TMEM242: variants seen among roughly 807,000 people sequenced by gnomAD.
TMEM242 encodes the protein transmembrane protein 242.
A neutral mutation model predicts 18.2 loss-of-function variants in TMEM242; 10 were observed. The observed-to-expected ratio is 0.55, with a 90% CI of 0.34 to 0.93. The LOEUF is 0.93. Among genes scored for constraint, TMEM242 ranks in the 40% least tolerant of loss-of-function variants. TMEM242 has a pLI of 0.02. For synonymous variants in TMEM242, 57 were observed against 69.9 expected (o/e 0.81, Z 0.92); for missense variants, 186 against 175.5 (o/e 1.06, Z -0.34).
intron 3 of TMEM242, among the ~76,000 whole-genome samples, chr6:157,313,068 GT>G (rs1778239661): frequency 6.7e-6 from 1 of 149,120 alleles, no homozygotes; most frequent in African/African-American, 2.5e-5. Flanking sequence ...TCATCATAGG[GT>G]CCCAGTATGC....
chr6:157,299,829 C>A, intron 3 of TMEM242: 1 of 1,610,812 alleles, frequency 6.2e-7, no homozygotes. Context: ...TCCATTGTCT[C>A]ACCCTTCAGT....
At chr6:157,313,051 C>A (rs1554249586) in intron 3 of TMEM242, among the ~76,000 whole-genome samples, 1 of 147,042 alleles carries the variant, frequency 6.8e-6, no homozygotes, top group Non-Finnish European at 1.5e-5. Flanking sequence ...TGTGCACTCA[C>A]CTGGCCTCAT....
intron 2 of TMEM242, among the ~76,000 whole-genome samples, chr6:157,322,420 G>C (rs1049236414): frequency 3.3e-5 from 5 of 152,122 alleles, no homozygotes; most frequent in African/African-American, 1.2e-4. Flanking sequence ...CATGAACCAC[G>C]ATGCCTGGCC....
At chr6:157,316,012 T>C (rs1778383595) in intron 3 of TMEM242, among the ~76,000 whole-genome samples, 1 of 152,270 alleles carries the variant, frequency 6.6e-6, no homozygotes, top group South Asian at 2.1e-4. Flanking sequence ...ATCAAGTGTA[T>C]AATTTAGATA....
At position 157,290,146 on chromosome 6, in the gene TMEM242, G is replaced by A. The variant is rs1777666613; in HGVS notation, c.*2755C>T. 6.6e-6 allele frequency: 1 copy of A among 152,168 alleles called. No individual in the cohort carries two copies. The highest frequency in any genetic ancestry group is 6.5e-5 in the Admixed American group (1 of 15,270). 9.4% of individuals were successfully genotyped at this position (152,168 alleles called of 1,614,324 possible). ...GGGGTCTCGGAAGCCACTCCTCCCT[G>A]CCCGTGCTTTCTCTAATAGCTCTTT... On this transcript the variant is annotated 3_prime_UTR_variant, in exon 4 of 4. Coordinates refer to ENST00000400788, the MANE Select transcript of TMEM242 (RefSeq NM_018452.6).
chr6:157,316,325 G>A (rs1778389977), intron 3 of TMEM242, among the ~76,000 whole-genome samples: 1 of 152,210 alleles, frequency 6.6e-6, no homozygotes, highest in Non-Finnish European at 1.5e-5. Context: ...TAACCTCTTT[G>A]AGCCCCAATT....
chr6:157,322,151 G>A (rs1245585752), intron 2 of TMEM242, among the ~76,000 whole-genome samples: 1 of 152,086 alleles, frequency 6.6e-6, no homozygotes, highest in Non-Finnish European at 1.5e-5. Context: ...TTATTTTTGA[G>A]ACAGAGTCTC....
intron 3 of TMEM242, among the ~76,000 whole-genome samples, chr6:157,301,855 C>T (rs1777834669): frequency 6.6e-6 from 1 of 152,090 alleles, no homozygotes; most frequent in African/African-American, 2.4e-5. Context: ...TTGCTTGAAC[C>T]CTGGAGGCGG....
chr6:157,309,333 C>T (rs1212649805), intron 3 of TMEM242, among the ~76,000 whole-genome samples: 1 of 150,540 alleles, frequency 6.6e-6, no homozygotes, highest in African/African-American at 2.4e-5. Context: ...CAAAGGTTGT[C>T]TTTTTTTTTC....
At position 157,318,774 on chromosome 6, in the gene TMEM242, T is replaced by C; in HGVS notation, c.327+8A>G. Reference sequence around the variant, plus strand: ...GTAGATACCAGGGACAAGACAGTAGTTACTTACACTGTGAACTCCTAAAGC... The same window carrying C: ...GTAGATACCAGGGACAAGACAGTAGCTACTTACACTGTGAACTCCTAAAGC... On this transcript the variant is annotated splice_region_variant and intron_variant, in intron 3 of 3. Coordinates refer to ENST00000400788, the MANE Select transcript of TMEM242 (RefSeq NM_018452.6). 1 of 1,613,892 alleles carries C rather than the reference T, an allele frequency of 6.2e-7. No individual in the cohort carries two copies. Among genetic ancestry groups the C allele is most frequent in the East Asian group, 2.2e-5 (1 of 44,880 alleles).
At chr6:157,297,631 T>C (rs1468261570) in intron 3 of TMEM242, among the ~76,000 whole-genome samples, 2 of 152,206 alleles carry the variant, frequency 1.3e-5, no homozygotes, top group Non-Finnish European at 2.9e-5. Flanking sequence ...TAAAGCAGTA[T>C]GGGAGTTCTG....
At chr6:157,322,059 TATG>T (rs782667269) in intron 2 of TMEM242, among the ~76,000 whole-genome samples, 13 of 152,246 alleles carry the variant, frequency 8.5e-5, no homozygotes, top group Non-Finnish European at 1.8e-4. Flanking sequence ...CTTGACTTTT[TATG>T]ATGTTTTACG....
At chr6:157,310,580 G>C (rs200422105) in intron 3 of TMEM242, among the ~76,000 whole-genome samples, 26 of 8,674 alleles carry the variant, frequency 3.0e-3, no homozygotes, top group African/African-American at 6.7e-3. Context: ...CCCAGTGTGC[G>C]CTCACCCGGC....
At chr6:157,296,328 A>G (rs1554247178) in intron 3 of TMEM242, among the ~76,000 whole-genome samples, 1 of 152,180 alleles carries the variant, frequency 6.6e-6, no homozygotes, top group Non-Finnish European at 1.5e-5. Flanking sequence ...ACTATGGATA[A>G]CAGGGTTACC....
At chr6:157,297,393 C>T (rs1450610085) in intron 3 of TMEM242, among the ~76,000 whole-genome samples, 1 of 152,030 alleles carries the variant, frequency 6.6e-6, no homozygotes, top group Non-Finnish European at 1.5e-5. Flanking sequence ...AGGTTATGTC[C>T]CCAATTTAAT....
chr6:157,311,089 G>GCC lies in TMEM242; in HGVS notation c.327+7691_327+7692dup, dbSNP rs1778046410. Among the ~76,000 whole-genome samples, 5 of 134,520 alleles carry GCC rather than the reference G, an allele frequency of 3.7e-5. 2 individuals are homozygous for GCC. The highest frequency in any genetic ancestry group is 1.5e-4 in the African/African-American group (5 of 34,208). The allele number at this position is 134,520 out of a possible 152,430, so 88.3% of individuals were successfully genotyped here. A position where few individuals can be genotyped will look rare whatever the true frequency, so the allele number is the denominator to read the frequency against. ...TAGTGCCCCAGTGTGCTCACACCTA[G>GCC]CCACATCATAGTGTCCCAGTGTGCA... On this transcript the variant is annotated intron_variant, in intron 3 of 3. Transcript: ENST00000400788.
intron 2 of TMEM242, among the ~76,000 whole-genome samples, chr6:157,321,169 A>G (rs1464737821): frequency 2.0e-5 from 3 of 151,642 alleles, no homozygotes; most frequent in African/African-American, 4.8e-5. Context: ...CCACCCGCCC[A>G]GTTAATTCTT....
At chr6:157,312,460 C>T (rs1282994065) in intron 3 of TMEM242, among the ~76,000 whole-genome samples, 1 of 128,328 alleles carries the variant, frequency 7.8e-6, no homozygotes, top group Non-Finnish European at 1.7e-5. Context: ...CATAGTGCCC[C>T]AGCGTGCACT....
chr6:157,299,743 G>A lies in TMEM242; in HGVS notation c.328-6744C>T, dbSNP rs1385360139. ...CACCTTCTGTGATAATCACTAGGCT[G>A]GAGTTTGCTGTGACAAGGTAATCTT... On this transcript the variant is annotated intron_variant, in intron 3 of 3. Coordinates refer to ENST00000400788, the MANE Select transcript of TMEM242 (RefSeq NM_018452.6). 3.1e-6 allele frequency: 5 copies of A among 1,602,312 alleles called. No homozygotes were observed. In the East Asian group the frequency reaches 6.7e-5, roughly 21 times the overall value.
Sources: allele counts gnomAD v4.1 joint callset (sites outside exome capture counted in the v4.1 genomes callset), GRCh38; gene constraint gnomAD v4.1.1; transcripts MANE v1.5; gene names NCBI Gene and HGNC (gene_info 2026-07-23, HGNC 2026-07-21).